Variants in ULK1 observed in about 807,000 individuals in gnomAD.
ULK1 encodes the protein unc-51 like autophagy activating kinase 1.
A neutral mutation model predicts 117.5 loss-of-function variants in ULK1; 48 were observed. The observed-to-expected ratio is 0.41, with a 90% CI of 0.32 to 0.52. The LOEUF is 0.52. ULK1 is among the 20% of genes least tolerant of loss of function. The pLI is 0.29. For synonymous variants in ULK1, 790 were observed against 637.8 expected (o/e 1.24, Z -3.60); for missense variants, 1,387 against 1,473.4 (o/e 0.94, Z 0.96).
At chr12:131,906,981 C>T in intron 4 of ULK1, 57 bp downstream of exon 4, 1 of 1,611,490 alleles carries the variant, frequency 6.2e-7, no homozygotes, top group Admixed American at 1.7e-5. Context: ...CCCTGGGAGC[C>T]CCACAGGGAG....
In ULK1 at chr12:131,921,958, C is replaced by G. The variant is rs1338977209; in HGVS notation, c.*597C>G. 1 of 456,150 alleles carries G rather than the reference C, an allele frequency of 2.2e-6. No homozygotes were observed. The highest frequency in any genetic ancestry group is 4.4e-6 in the Non-Finnish European group (1 of 226,800). 28.3% of individuals were successfully genotyped at this position (456,150 alleles called of 1,614,324 possible). On this transcript the variant is annotated 3_prime_UTR_variant, in exon 28 of 28. Transcript: ENST00000321867. Reference sequence around the variant, plus strand: ...GACACATGCCAGGGCCCCCCAAGCCCGAGCACCGGACCACGTTGCTGCCCA... The same window carrying G: ...GACACATGCCAGGGCCCCCCAAGCCGGAGCACCGGACCACGTTGCTGCCCA...
intron 8 of ULK1, among the ~76,000 whole-genome samples, 200 bp downstream of exon 8, chr12:131,909,437 GGAGCTGCCCCCGGCAAGGCCTCCCTC>G (rs1889423875): frequency 6.6e-6 from 1 of 152,200 alleles, no homozygotes; most frequent in African/African-American, 2.4e-5. Flanking sequence ...GCGGTGACTG[GGAGCTGCCCCCGGCAAGGCCTCCCTC>G]GCCTGTCTGG....
chr12:131,912,701 G>T (rs1368588292), intron 13 of ULK1, among the ~76,000 whole-genome samples: 1 of 152,234 alleles, frequency 6.6e-6, no homozygotes, highest in African/African-American at 2.4e-5. Context: ...CTGCGGGGGT[G>T]GTGAGGCCCG....
At chr12:131,917,361 G>A (rs1889896047) in intron 21 of ULK1, 50 bp from the exon 22 acceptor site, 5 of 1,390,314 alleles carry the variant, frequency 3.6e-6, no homozygotes, top group Admixed American at 3.0e-5. Flanking sequence ...GCTGTGGGAT[G>A]GGGGTCGGCG....
At position 131,922,431 on chromosome 12, in the gene ULK1, A is replaced by ATG; in HGVS notation, c.*1070_*1071insTG. ...TGCAAAGAAAAAAGTAACATGTGCA[A>ATG]AAGCTCCCCGTCCAGCTTTGACAGT... is the stretch of plus-strand genomic sequence containing the variant. On this transcript the variant is annotated 3_prime_UTR_variant, in exon 28 of 28. Transcript: ENST00000321867. The ATG allele has an allele frequency of 5.2e-6, 1 of 192,930 alleles. No homozygotes were observed. The highest frequency in any genetic ancestry group is 7.8e-5 in the South Asian group (1 of 12,858). 12.0% of individuals were successfully genotyped at this position (192,930 alleles called of 1,614,324 possible). A position where few individuals can be genotyped will look rare whatever the true frequency, so the allele number is the denominator to read the frequency against.
At chr12:131,895,973 C>T in intron 3 of ULK1, 149 bp downstream of exon 3, 1 of 985,108 alleles carries the variant, frequency 1.0e-6, no homozygotes, top group Non-Finnish European at 1.5e-6. Flanking sequence ...CAGGCCTGGG[C>T]TGGTGCTGGC....
intron 4 of ULK1, 100 bp downstream of exon 4, chr12:131,907,024 T>C: frequency 6.6e-7 from 1 of 1,523,532 alleles, no homozygotes; most frequent in Non-Finnish European, 9.0e-7. Flanking sequence ...ATGAGCACCT[T>C]TTCTTTTTTT....
At position 131,918,886 on chromosome 12, in the gene ULK1, GGGGTGTA is replaced by G. The variant is rs1190568859; in HGVS notation, c.2511+212_2511+218del. 2.3e-4 allele frequency among the ~76,000 whole-genome samples: 27 copies of G among 117,898 alleles called. 1 individual carries two copies. The highest frequency in any genetic ancestry group is 5.2e-3 in the Middle Eastern group (1 of 192). The allele number at this position is 117,898 out of a possible 152,430, so 77.3% of individuals were successfully genotyped here. ...CGGGTGTGTGGGGTGTCGGGTGTGT[GGGGTGTA>G]GGGTGTGGGGTGTAGGGTGTGTGGG... On this transcript the variant is annotated intron_variant, in intron 23 of 27. Coordinates refer to ENST00000321867, the MANE Select transcript of ULK1 (RefSeq NM_003565.4).
intron 18 of ULK1, 111 bp downstream of exon 18, chr12:131,915,532 G>C: frequency 7.4e-7 from 1 of 1,359,176 alleles, no homozygotes; most frequent in Non-Finnish European, 9.9e-7. Context: ...TGGGAAGGAA[G>C]CTGGTGGAAC....
intron 26 of ULK1, 23 bp from the exon 27 acceptor site, chr12:131,921,077 C>T (rs1252458858): frequency 1.0e-5 from 16 of 1,569,460 alleles, no homozygotes; most frequent in Non-Finnish European, 1.4e-5. Flanking sequence ...CTGGCCCTGT[C>T]CAGCCTCTGT....
chr12:131,919,102 G>C, intron 23 of ULK1, 110 bp from the exon 24 acceptor site: 1 of 1,299,178 alleles, frequency 7.7e-7, no homozygotes, highest in Non-Finnish European at 1.0e-6. Context: ...GCTGCAGCAG[G>C]GGAGGGTACC....
At position 131,918,515 on chromosome 12, in the gene ULK1, C is replaced by T; in HGVS notation, c.2345C>T (p.Ala782Val). Residue 782 changes from alanine (A) to valine (V), a missense_variant, in exon 23 of 28, where the codon GCC becomes GTC. Physicochemically the swap from Ala to Val is moderately conservative, Grantham distance 64. Transcript: ENST00000321867. ...RMFSAGPTGSASSSARHLVPG... is the reference protein window; with the variant it reads ...RMFSAGPTGSVSSSARHLVPG... ...CCTGCAGCGGGCCCCACTGGCTCTG[C>T]CAGCTCTTCTGCCCGCCACCTGGTG... The T allele has an allele frequency of 6.2e-7, 1 of 1,610,372 alleles. No individual in the cohort carries two copies. Among genetic ancestry groups the T allele is most frequent in the Non-Finnish European group, 8.5e-7 (1 of 1,178,928 alleles).
At chr12:131,908,067 TC>T (rs142194615) in intron 5 of ULK1, among the ~76,000 whole-genome samples, 2,560 of 151,838 alleles carry the variant, frequency 0.017, 124 homozygotes, top group South Asian at 0.094. Flanking sequence ...CTGGGACAGT[TC>T]CGGGGACTTG....
At position 131,909,901 on chromosome 12, in the gene ULK1, A is replaced by T. The variant is rs756408897; in HGVS notation, c.726-18A>T. 6.2e-7 allele frequency: 1 copy of T among 1,611,176 alleles called. No individual in the cohort carries two copies. The highest frequency in any genetic ancestry group is 1.7e-5 in the Admixed American group (1 of 59,908). On this transcript the variant is annotated intron_variant, in intron 9 of 27. Transcript: ENST00000321867. ...CGGCCCCGCAGGCCCTGCTCACACC[A>T]GCCTCCTCTTGCCCCAGCATCCCCC... is the stretch of plus-strand genomic sequence containing the variant.
chr12:131,914,075 TCG>T (rs1566123065), intron 15 of ULK1, among the ~76,000 whole-genome samples: 4 of 151,854 alleles, frequency 2.6e-5, no homozygotes, highest in Non-Finnish European at 5.9e-5. Context: ...GCCAGCACAG[TCG>T]AGCCTGTAGG....
intron 3 of ULK1, among the ~76,000 whole-genome samples, chr12:131,899,095 TC>T (rs1216543069): frequency 6.6e-6 from 1 of 151,494 alleles, no homozygotes; most frequent in Non-Finnish European, 1.5e-5. Flanking sequence ...GCCAGGCTGA[TC>T]TTGAACGCCG....
chr12:131,919,441 C>T lies in ULK1; in HGVS notation c.2685-31C>T, dbSNP rs199806101. On this transcript the variant is annotated intron_variant, in intron 24 of 27. Transcript: ENST00000321867. ...TGGTGGCCTGGGGGCCAGGACCAAC[C>T]GGCCTCCTCTGATCTGCCTGCCGCC... is the stretch of plus-strand genomic sequence containing the variant. The T allele has an allele frequency of 3.7e-4, 594 of 1,595,518 alleles. 3 individuals carry two copies. In the African/African-American group the frequency reaches 6.5e-3, roughly 17 times the overall value.
intron 23 of ULK1, 34 bp downstream of exon 23, chr12:131,918,715 G>A (rs1014426691): frequency 1.4e-6 from 2 of 1,459,786 alleles, no homozygotes; most frequent in African/African-American, 1.5e-5. Flanking sequence ...TTCCCATTCT[G>A]GCTGGAGGGT....
Position 131,912,050 on chromosome 12 carries a change from G to C in ULK1, c.1057G>C (p.Asp353His). The change falls in exon 13 of 28, where the codon GAC becomes CAC. Residue 353 changes from aspartate to histidine, a missense_variant. By Grantham distance (81) the Asp-to-His change is moderately conservative. Around this residue, in one of 4 missense-constraint regions of ULK1, gnomAD observed 260 missense variants for 271.6 expected, o/e 0.96. Coordinates refer to ENST00000321867, the MANE Select transcript of ULK1 (RefSeq NM_003565.4). ...DSGGSKDSSC[D>H]TDDFVMVPAQ... ...TGGTGGCAGCAAGGACTCTTCCTGT[G>C]ACACAGACGACTTCGTCATGGTCCC... The C allele has an allele frequency of 6.2e-7, 1 of 1,612,802 alleles. No individual in the cohort carries two copies. The highest frequency in any genetic ancestry group is 8.5e-7 in the Non-Finnish European group (1 of 1,179,914).
Sources: gnomAD v4.1 joint callset for allele counts (sites outside exome capture counted in the v4.1 genomes callset) on GRCh38, gnomAD v4.1.1 for gene constraint, gnomAD v4.1.1 regional missense constraint, MANE v1.5 for transcripts, NCBI Gene and HGNC (gene_info 2026-07-23, HGNC 2026-07-21) for gene names.